CDS1: variants seen among roughly 807,000 people sequenced by gnomAD.
CDS1 encodes the protein CDP-diacylglycerol synthase 1, also known as phosphatidate cytidylyltransferase 1.
In CDS1, 41 loss-of-function variants were observed where a neutral mutation model predicts 62.1. The observed-to-expected ratio is 0.66, with a 90% CI of 0.51 to 0.86. CDS1 has a LOEUF of 0.86. CDS1 is among the 40% of genes least tolerant of loss of function. The pLI is 0.00. For synonymous variants in CDS1, 185 were observed against 192.6 expected, an observed-to-expected ratio of 0.96 and a Z score of 0.32; for missense variants, 470 against 550.1, an observed-to-expected ratio of 0.85 and a Z score of 1.46.
At chr4:84,603,861 T>C (rs1723012817) in intron 1 of CDS1, among the ~76,000 whole-genome samples, 1 of 152,206 alleles carries the variant, frequency 6.6e-6, no homozygotes, top group Non-Finnish European at 1.5e-5. Context: ...CTCTTACTGT[T>C]GATGCTTTAA....
Position 84,643,820 on chromosome 4 carries a change from G to A in CDS1, c.1152+677G>A, listed in dbSNP as rs1387005230. 3.3e-5 allele frequency among the ~76,000 whole-genome samples: 5 copies of A among 152,212 alleles called. No individual in the cohort carries two copies. In the South Asian group the frequency reaches 6.2e-4, roughly 19 times the overall value. On this transcript the variant is annotated intron_variant, in intron 11 of 12. Transcript: ENST00000295887. ...GTGTATTAGGTTAGATCATCATAAA[G>A]TGACATGTTATCTCAGCAATTTCAT...
At position 84,645,705 on chromosome 4, in the gene CDS1, A is replaced by G. The variant is rs543959611; in HGVS notation, c.1256+380A>G. 2.6e-5 allele frequency among the ~76,000 whole-genome samples: 4 copies of G among 152,342 alleles called. No homozygotes were observed. The East Asian group carries it at 7.7e-4, about 29-fold the overall frequency. ...ACCAATTATTACTTGAGTGCCTGCCATATTGTAGAATGTTCTAGGGACAAA... is the reference window on the plus strand; with the variant it reads ...ACCAATTATTACTTGAGTGCCTGCCGTATTGTAGAATGTTCTAGGGACAAA... On this transcript the variant is annotated intron_variant, in intron 12 of 12. Coordinates refer to ENST00000295887, the MANE Select transcript of CDS1 (RefSeq NM_001263.4).
intron 6 of CDS1, 55 bp from the exon 7 acceptor site, chr4:84,633,802 C>A: frequency 1.7e-6 from 2 of 1,176,870 alleles, no homozygotes; most frequent in African/African-American, 1.6e-5. Context: ...GTTGCTTCTT[C>A]AGCTGCACTG....
intron 2 of CDS1, among the ~76,000 whole-genome samples, chr4:84,606,149 G>T (rs1578026420): frequency 1.3e-5 from 2 of 152,016 alleles, no homozygotes; most frequent in South Asian, 4.2e-4. Context: ...AGACTGTCTT[G>T]CAAAGACTTA....
At chr4:84,618,498 C>G (rs1578036433) in intron 4 of CDS1, among the ~76,000 whole-genome samples, 1 of 152,200 alleles carries the variant, frequency 6.6e-6, no homozygotes, top group East Asian at 1.9e-4. Context: ...AGGTGTCAAA[C>G]AAGAGGTAAA....
At chr4:84,586,835 A>G (rs1722437667) in intron 1 of CDS1, among the ~76,000 whole-genome samples, 1 of 152,218 alleles carries the variant, frequency 6.6e-6, no homozygotes, top group Admixed American at 6.5e-5. Flanking sequence ...AGTGGCAGTG[A>G]AAGGAATACA....
intron 8 of CDS1, among the ~76,000 whole-genome samples, chr4:84,635,696 T>TTCCC (rs1378774842): frequency 7.4e-4 from 43 of 58,428 alleles, no homozygotes; most frequent in Middle Eastern, 0.011. Context: ...CCTTCCCTCC[T>TTCCC]TCCCTCCCTC....
In CDS1 at chr4:84,604,320, A is replaced by G; in HGVS notation, c.195A>G (p.Ser65=). The change falls in exon 2 of 13, where the codon TCA becomes TCG. Residue 65 remains serine (S), a synonymous_variant. Coordinates refer to ENST00000295887, the MANE Select transcript of CDS1 (RefSeq NM_001263.4). The stretch of plus-strand genomic sequence containing the variant: ...ATATTCCGGAAATTCCACCATCCTC[A>G]GATAGAACCCCTGAGATTCTCAAAA... The part of the protein sequence containing the change: ...DSDIPEIPPS[S]DRTPEILKKA... 2 of 1,613,104 alleles carry G rather than the reference A, an allele frequency of 1.2e-6. No individual in the cohort carries two copies. The highest frequency in any genetic ancestry group is 1.7e-6 in the Non-Finnish European group (2 of 1,179,162).
intron 1 of CDS1, among the ~76,000 whole-genome samples, chr4:84,591,042 C>A (rs916755153): frequency 2.0e-5 from 3 of 152,054 alleles, no homozygotes; most frequent in Non-Finnish European, 4.4e-5. Context: ...ATAAAAGTTT[C>A]TTTTCCTTTT....
At chr4:84,629,500 G>C (rs1220740563) in intron 5 of CDS1, among the ~76,000 whole-genome samples, 1 of 152,114 alleles carries the variant, frequency 6.6e-6, no homozygotes, top group African/African-American at 2.4e-5. Flanking sequence ...AAGTAATCTA[G>C]AAATGATTTA....
chr4:84,637,362 C>G (rs556717928), intron 8 of CDS1, among the ~76,000 whole-genome samples: 1 of 152,070 alleles, frequency 6.6e-6, no homozygotes, highest in African/African-American at 2.4e-5. Flanking sequence ...GCAAGCTGTA[C>G]AGGAAGCATG....
intron 1 of CDS1, among the ~76,000 whole-genome samples, chr4:84,602,006 C>CGAA: frequency 6.6e-6 from 1 of 152,274 alleles, no homozygotes; most frequent in African/African-American, 2.4e-5. Context: ...CCGCATGGCT[C>CGAA]TATTTGATCA....
At chr4:84,614,892 G>C (rs2148645200) in intron 3 of CDS1, among the ~76,000 whole-genome samples, 2 of 152,316 alleles carry the variant, frequency 1.3e-5, no homozygotes, top group East Asian at 3.9e-4. Context: ...CTTTTGGGGA[G>C]TTGGCAGGCT....
At chr4:84,584,673 T>C (rs549612938) in intron 1 of CDS1, among the ~76,000 whole-genome samples, 3 of 152,364 alleles carry the variant, frequency 2.0e-5, no homozygotes, top group South Asian at 2.1e-4. Flanking sequence ...ACATATCACA[T>C]GATATCACGA....
chr4:84,650,606 G>T lies in CDS1; in HGVS notation c.*1920G>T, dbSNP rs551875818. On this transcript the variant is annotated 3_prime_UTR_variant, in exon 13 of 13. Coordinates refer to ENST00000295887, the MANE Select transcript of CDS1 (RefSeq NM_001263.4). ...CCCACATTTGTATTTAAAATAATTGGTGAGGCATTGAAATCCAGAATTATA... is the reference window on the plus strand; with the variant it reads ...CCCACATTTGTATTTAAAATAATTGTTGAGGCATTGAAATCCAGAATTATA... 1 of 152,042 alleles carries T rather than the reference G, an allele frequency of 6.6e-6. No individual in the cohort carries two copies. The highest frequency in any genetic ancestry group is 1.5e-5 in the Non-Finnish European group (1 of 68,012). The allele number at this position is 152,042 out of a possible 1,614,324, so 9.4% of individuals were successfully genotyped here.
intron 10 of CDS1, among the ~76,000 whole-genome samples, chr4:84,641,624 CAG>C (rs1330705417): frequency 2.6e-5 from 4 of 152,166 alleles, no homozygotes; most frequent in Non-Finnish European, 5.9e-5. Flanking sequence ...TTATTATGGA[CAG>C]AAAGTTGCTG....
intron 11 of CDS1, among the ~76,000 whole-genome samples, chr4:84,644,389 G>A (rs1002706894): frequency 2.0e-5 from 3 of 151,932 alleles, no homozygotes; most frequent in Admixed American, 2.0e-4. Flanking sequence ...GAGAGAAATG[G>A]GTTGGCAAAA....
intron 9 of CDS1, 131 bp from the exon 10 acceptor site, chr4:84,640,707 T>C (rs1724352115): frequency 5.7e-6 from 4 of 704,266 alleles, no homozygotes; most frequent in Non-Finnish European, 8.3e-6. Context: ...TAGCAAAATA[T>C]TAAGACAAAG....
At chr4:84,587,266 AT>A (rs1327967057) in intron 1 of CDS1, among the ~76,000 whole-genome samples, 1 of 152,154 alleles carries the variant, frequency 6.6e-6, no homozygotes, top group African/African-American at 2.4e-5. Flanking sequence ...ATTTTAAACA[AT>A]AAATTTGTAT....
Sources: gnomAD v4.1 joint callset for allele counts (sites outside exome capture counted in the v4.1 genomes callset) on GRCh38, gnomAD v4.1.1 for gene constraint, MANE v1.5 for transcripts, NCBI Gene and HGNC (gene_info 2026-07-23, HGNC 2026-07-21) for gene names.